Variants in FNBP4 observed in about 807,000 individuals in gnomAD.
FNBP4 encodes the protein formin binding protein 4.
FNBP4 carries 34 observed loss-of-function variants against 119.3 expected under a neutral mutation model. The observed-to-expected ratio is 0.28, with a 90% CI of 0.22 to 0.38. The LOEUF (loss-of-function observed/expected upper bound fraction) is 0.38. Among genes scored for constraint, FNBP4 ranks in the 10% least tolerant of loss-of-function variants. The pLI, the probability that FNBP4 is intolerant of heterozygous loss-of-function variation, is 1.00. For synonymous variants in FNBP4, 462 were observed against 430.6 expected, an observed-to-expected ratio of 1.07 and a Z score of -0.90; for missense variants, 1,112 against 1,228.9, an observed-to-expected ratio of 0.90 and a Z score of 1.42.
chr11:47,727,459 C>T (rs888599300), intron 12 of FNBP4, among the ~76,000 whole-genome samples: 1 of 152,046 alleles, frequency 6.6e-6, no homozygotes, highest in African/African-American at 2.4e-5. Flanking sequence ...CCATGTTGGC[C>T]AGGCTGGTCT....
At position 47,724,664 on chromosome 11, in the gene FNBP4, G is replaced by C; in HGVS notation, c.2123C>G (p.Pro708Arg). The C allele has an allele frequency of 6.2e-7, 1 of 1,614,070 alleles. No individual in the cohort carries two copies. The change falls in exon 13 of 17, where the codon CCC becomes CGC. Residue 708 changes from proline to arginine, a missense_variant. Transcript: ENST00000263773. ...SNVPVLQPPL[P>R]LEMPPPPPPP... ...AGGTGGGGGTGGTGGCATTTCCAAG[G>C]GTAATGGAGGTTGAAGCACAGGAAC...
chr11:47,721,275 A>T (rs944592236), intron 15 of FNBP4, among the ~76,000 whole-genome samples: 17 of 151,426 alleles, frequency 1.1e-4, no homozygotes, highest in East Asian at 3.9e-4. Context: ...TAAATAAATA[A>T]AAATAAATAA....
chr11:47,754,704 T>C (rs745545342), intron 2 of FNBP4, 40 bp from the exon 3 acceptor site: 5 of 1,606,444 alleles, frequency 3.1e-6, no homozygotes, highest in Non-Finnish European at 4.2e-6. Context: ...AACAACAATG[T>C]CAATATGTCC....
Position 47,732,770 on chromosome 11 carries a change from G to T in FNBP4, c.1687-100C>A, listed in dbSNP as rs2097568954. Reference sequence around the variant, plus strand: ...TTCTGCTCCAAGACTATATCCCTGTGCTCTGGCAGGACAGTAGACCAGAGA... The same window carrying T: ...TTCTGCTCCAAGACTATATCCCTGTTCTCTGGCAGGACAGTAGACCAGAGA... On this transcript the variant is annotated intron_variant, in intron 10 of 16. Transcript: ENST00000263773. The surrounding 1 kb of genome is among the most constrained non-coding windows in gnomAD (Gnocchi z 4.2). 1 of 1,100,128 alleles carries T rather than the reference G, an allele frequency of 9.1e-7. No homozygotes were observed. The highest frequency in any genetic ancestry group is 1.4e-6 in the Non-Finnish European group (1 of 735,612). The allele number at this position is 1,100,128 out of a possible 1,614,324, so 68.1% of individuals were successfully genotyped here.
intron 2 of FNBP4, among the ~76,000 whole-genome samples, chr11:47,762,927 AG>A (rs2097639069): frequency 6.9e-6 from 1 of 144,366 alleles, no homozygotes; most frequent in East Asian, 2.0e-4. Context: ...AAAAAAAAAA[AG>A]AGTCTCTCTG....
intron 6 of FNBP4, among the ~76,000 whole-genome samples, chr11:47,748,852 G>C (rs2097596127): frequency 6.6e-6 from 1 of 151,996 alleles, no homozygotes; most frequent in South Asian, 2.1e-4. Flanking sequence ...TTACCATGTT[G>C]GCCAGGCTGG....
chr11:47,742,222 T>C (rs1222497808), intron 8 of FNBP4, among the ~76,000 whole-genome samples: 3 of 152,062 alleles, frequency 2.0e-5, no homozygotes, highest in Non-Finnish European at 2.9e-5. Flanking sequence ...TACATGCCTG[T>C]ACTCCCACTG....
intron 12 of FNBP4, chr11:47,725,911 A>C (rs1301463629): frequency 2.2e-6 from 1 of 452,384 alleles, no homozygotes; most frequent in Non-Finnish European, 2.9e-6. Flanking sequence ...AAAGGTAATG[A>C]AACCCAGGCA....
chr11:47,731,798 C>T, intron 11 of FNBP4: 1 of 1,222,542 alleles, frequency 8.2e-7, no homozygotes, highest in Non-Finnish European at 1.0e-6. Context: ...CTCACTCCAA[C>T]AGATGAGACT....
intron 12 of FNBP4, chr11:47,726,807 A>C (rs373645294): frequency 6.6e-6 from 1 of 152,362 alleles, no homozygotes; most frequent in African/African-American, 2.4e-5. Flanking sequence ...TTAATTATTA[A>C]GGATTAAACT....
At chr11:47,761,421 T>C (rs918138491) in intron 2 of FNBP4, among the ~76,000 whole-genome samples, 2 of 152,028 alleles carry the variant, frequency 1.3e-5, no homozygotes, top group African/African-American at 4.8e-5. Context: ...GCTGAAACCC[T>C]GTCTCTACTA....
At chr11:47,737,218 C>T (rs1016067980) in intron 8 of FNBP4, among the ~76,000 whole-genome samples, 4 of 151,938 alleles carry the variant, frequency 2.6e-5, no homozygotes, top group African/African-American at 9.7e-5. Context: ...AATAAAAATC[C>T]TTTATAATCA....
At chr11:47,762,906 C>CAAAA (rs56659957) in intron 2 of FNBP4, among the ~76,000 whole-genome samples, 8,060 of 99,130 alleles carry the variant, frequency 0.081, 677 homozygotes, top group Non-Finnish European at 0.12. Context: ...ACTCTGATTC[C>CAAAA]AAAAAAAAAA....
intron 2 of FNBP4, among the ~76,000 whole-genome samples, chr11:47,760,224 G>T (rs1037511501): frequency 1.3e-5 from 2 of 149,284 alleles, no homozygotes; most frequent in Non-Finnish European, 3.0e-5. Context: ...TAGTGTTTGT[G>T]AGAAATTCAG....
intron 2 of FNBP4, among the ~76,000 whole-genome samples, chr11:47,757,625 C>G (rs933817517): frequency 2.0e-5 from 3 of 152,050 alleles, no homozygotes; most frequent in African/African-American, 7.3e-5. Flanking sequence ...TCCCGAGTAG[C>G]TGGGATTACA....
chr11:47,732,355 C>G lies in FNBP4; in HGVS notation c.1820+182G>C. On this transcript the variant is annotated intron_variant, in intron 11 of 16. Coordinates refer to ENST00000263773, the MANE Select transcript of FNBP4 (RefSeq NM_015308.5). The surrounding 1 kb of genome is among the most constrained non-coding windows in gnomAD (Gnocchi z 4.2). ...GTTACATGGAACACTTTAAACATTG[C>G]TTTTGTTTCTCCAATGTGTGGCTGG... The G allele has an allele frequency of 6.7e-7, 1 of 1,497,920 alleles. No individual in the cohort carries two copies. The highest frequency in any genetic ancestry group is 8.9e-7 in the Non-Finnish European group (1 of 1,128,116). 92.8% of individuals were successfully genotyped at this position (1,497,920 alleles called of 1,614,324 possible).
At chr11:47,761,405 C>T (rs899851466) in intron 2 of FNBP4, among the ~76,000 whole-genome samples, 10 of 152,060 alleles carry the variant, frequency 6.6e-5, no homozygotes, top group Non-Finnish European at 1.3e-4. Flanking sequence ...CCAGCCTGGC[C>T]AAGATGCTGA....
chr11:47,723,427 CT>C, intron 14 of FNBP4, 111 bp from the exon 15 acceptor site: 1 of 1,471,432 alleles, frequency 6.8e-7, no homozygotes, highest in Non-Finnish European at 9.0e-7. Context: ...CCAATATATC[CT>C]TTTCTAAAAA....
At chr11:47,756,694 C>G (rs193036067) in intron 2 of FNBP4, among the ~76,000 whole-genome samples, 5 of 149,598 alleles carry the variant, frequency 3.3e-5, no homozygotes, top group Admixed American at 2.0e-4. Context: ...ATCCCTCCCC[C>G]ACCCCCGACC....
Sources: gnomAD v4.1 joint callset for allele counts (sites outside exome capture counted in the v4.1 genomes callset) on GRCh38, gnomAD v4.1.1 for gene constraint, Gnocchi (gnomAD v3.1) non-coding constraint, MANE v1.5 for transcripts, NCBI Gene and HGNC (gene_info 2026-07-23, HGNC 2026-07-21) for gene names.